Variants in C3orf20 observed in about 807,000 individuals in gnomAD.
C3orf20 encodes the protein family with sequence similarity 149 member C.
C3orf20 carries 76 observed loss-of-function variants against 88.3 expected under a neutral mutation model. The ratio of observed to expected loss-of-function variants is 0.86; its 90% CI spans 0.72 to 1.04. The LOEUF (loss-of-function observed/expected upper bound fraction) is 1.04. C3orf20 is among the 50% of genes least tolerant of loss of function. C3orf20 has a pLI of 0.00. For synonymous variants in C3orf20, 436 were observed against 437.4 expected, an observed-to-expected ratio of 1.00 and a Z score of 0.04; for missense variants, 1,056 against 1,123.3, an observed-to-expected ratio of 0.94 and a Z score of 0.86.
At position 14,714,040 on chromosome 3, in the gene C3orf20, C is replaced by T. The variant is rs186988380; in HGVS notation, c.1194C>T (p.Ile398=). ...CTGGAAACGTCGCTGTATGTCAGATCCCCACATGCTGCAGAGGGAGAACCA... is the reference window on the plus strand; with the variant it reads ...CTGGAAACGTCGCTGTATGTCAGATTCCCACATGCTGCAGAGGGAGAACCA... ...YPSGNVAVCQ[I]PTCCRGRTIT... Residue 398 remains isoleucine (I), a synonymous_variant, in exon 8 of 17, where the codon ATC becomes ATT. Coordinates refer to ENST00000253697, the MANE Select transcript of C3orf20 (RefSeq NM_032137.5). The T allele has an allele frequency of 3.7e-6, 6 of 1,614,132 alleles. No individual in the cohort carries two copies. Among genetic ancestry groups the T allele is most frequent in the Middle Eastern group, 1.7e-4 (1 of 6,042 alleles).
chr3:14,683,126 A>G lies in C3orf20; in HGVS notation c.413A>G (p.Gln138Arg). ...CACCAGGAGACCCTGAACAGGTTTC[A>G]GCAGCAGTCCATCCACCTGCTGACG... is the stretch of plus-strand genomic sequence containing the variant. ...RTHQETLNRF[Q>R]QQSIHLLTEL... The change falls in exon 3 of 17, where the codon CAG becomes CGG. Residue 138 changes from glutamine to arginine, a missense_variant. Coordinates refer to ENST00000253697, the MANE Select transcript of C3orf20 (RefSeq NM_032137.5). 1 of 1,614,148 alleles carries G rather than the reference A, an allele frequency of 6.2e-7. No homozygotes were observed. The highest frequency in any genetic ancestry group is 8.5e-7 in the Non-Finnish European group (1 of 1,180,008).
At chr3:14,756,150 T>C (rs563229025) in intron 12 of C3orf20, among the ~76,000 whole-genome samples, 38 of 150,600 alleles carry the variant, frequency 2.5e-4, no homozygotes, top group African/African-American at 9.2e-4. Flanking sequence ...TGCTGTAAAA[T>C]GCTAAACATG....
intron 5 of C3orf20, among the ~76,000 whole-genome samples, chr3:14,694,954 G>A (rs1171263547): frequency 1.3e-5 from 2 of 151,854 alleles, no homozygotes; most frequent in African/African-American, 4.8e-5. Context: ...CTATGCCTGG[G>A]TAATTTTTGT....
rs763986141 is a variant in C3orf20, at chr3:14,728,705, A to T, written c.1940+17A>T. On this transcript the variant is annotated intron_variant, in intron 12 of 16. Transcript: ENST00000253697. Reference sequence around the variant, plus strand: ...CACATCCAGGTTGGCTTGGTCCTTCACGTCTTCCGCAGCATCGGGTGTTGT... The same window carrying T: ...CACATCCAGGTTGGCTTGGTCCTTCTCGTCTTCCGCAGCATCGGGTGTTGT... 7 of 1,611,048 alleles carry T rather than the reference A, an allele frequency of 4.3e-6. No homozygotes were observed. The East Asian group carries it at 1.6e-4, about 36-fold the overall frequency.
chr3:14,695,228 C>T (rs909022338), intron 5 of C3orf20, among the ~76,000 whole-genome samples: 3 of 152,156 alleles, frequency 2.0e-5, no homozygotes, highest in African/African-American at 7.2e-5. Flanking sequence ...AAATTTCCTT[C>T]TTAATTTCTT....
At chr3:14,685,236 G>C (rs2032333187) in intron 4 of C3orf20, among the ~76,000 whole-genome samples, 1 of 152,080 alleles carries the variant, frequency 6.6e-6, no homozygotes, top group Admixed American at 6.5e-5. Flanking sequence ...AGCTGTGGGA[G>C]GATATTACTT....
At chr3:14,704,714 A>G (rs2124938830) in intron 7 of C3orf20, 96 bp downstream of exon 7, 1 of 1,452,828 alleles carries the variant, frequency 6.9e-7, no homozygotes. Flanking sequence ...TGGGCCTTTT[A>G]GTTATCAGAG....
intron 15 of C3orf20, among the ~76,000 whole-genome samples, chr3:14,764,477 T>C (rs998834880): frequency 4.4e-5 from 6 of 137,858 alleles, no homozygotes; most frequent in Admixed American, 2.9e-4. Flanking sequence ...AACAACACAA[T>C]CGTTTATTAT....
chr3:14,723,681 G>A (rs1418276651), intron 10 of C3orf20, among the ~76,000 whole-genome samples: 5 of 152,220 alleles, frequency 3.3e-5, no homozygotes, highest in Non-Finnish European at 7.3e-5. Context: ...CTACCCGCAA[G>A]AGTTTGAGTC....
chr3:14,679,321 A>G (rs928812307), intron 1 of C3orf20, among the ~76,000 whole-genome samples: 9 of 152,250 alleles, frequency 5.9e-5, no homozygotes, highest in African/African-American at 1.9e-4. Flanking sequence ...CAAAATAGAA[A>G]TTGGATAAAT....
At chr3:14,705,587 G>A (rs2033465894) in intron 7 of C3orf20, among the ~76,000 whole-genome samples, 1 of 152,210 alleles carries the variant, frequency 6.6e-6, no homozygotes, top group Admixed American at 6.5e-5. Context: ...TTTACAGAAT[G>A]TCTGGGTAGG....
Position 14,722,513 on chromosome 3 carries a change from A to G in C3orf20, c.1566+729A>G, listed in dbSNP as rs771830189. ...CAGGAGAAGAAATGATGCTGAGTAG[A>G]AAACTACCAGTGCATGTTGATGACC... On this transcript the variant is annotated intron_variant, in intron 10 of 16. Transcript: ENST00000253697. 7.2e-5 allele frequency: 33 copies of G among 456,620 alleles called. No individual in the cohort carries two copies. In the Middle Eastern group the frequency reaches 9.7e-4, roughly 13 times the overall value. 28.3% of individuals were successfully genotyped at this position (456,620 alleles called of 1,614,324 possible). A position where few individuals can be genotyped will look rare whatever the true frequency, so the allele number is the denominator to read the frequency against.
intron 5 of C3orf20, among the ~76,000 whole-genome samples, chr3:14,699,445 C>G (rs1343769217): frequency 6.6e-6 from 1 of 152,202 alleles, no homozygotes; most frequent in Non-Finnish European, 1.5e-5. Context: ...ATTCAGGGCC[C>G]AAGGACTCTT....
Position 14,704,383 on chromosome 3 carries a change from A to G in C3orf20, c.925A>G (p.Met309Val), listed in dbSNP as rs114234710. The change falls in exon 7 of 17, where the codon ATG becomes GTG. Residue 309 changes from methionine to valine, a missense_variant. Met to Val is a conservative substitution (Grantham distance 21, BLOSUM62 1). Coordinates refer to ENST00000253697, the MANE Select transcript of C3orf20 (RefSeq NM_032137.5). Reference sequence around the variant, plus strand: ...GAAAGGGAGGAATATCTCCTACCCCATGATCTTACGAAACTACAAGGCAAA... The same window carrying G: ...GAAAGGGAGGAATATCTCCTACCCCGTGATCTTACGAAACTACAAGGCAAA... ...TWKGRNISYP[M>V]ILRNYKAKMP... The G allele has an allele frequency of 9.1e-4, 1,463 of 1,614,168 alleles. 1 individual carries two copies. Among genetic ancestry groups the G allele is most frequent in the Non-Finnish European group, 8.6e-4 (1,015 of 1,180,022 alleles).
chr3:14,726,781 G>A, intron 10 of C3orf20, 120 bp from the exon 11 acceptor site: 1 of 1,372,754 alleles, frequency 7.3e-7, no homozygotes, highest in South Asian at 1.3e-5. Flanking sequence ...TTCCAGGTAG[G>A]GGTAGGGGGG....
intron 12 of C3orf20, among the ~76,000 whole-genome samples, chr3:14,737,311 C>T (rs1368286775): frequency 6.6e-6 from 1 of 151,992 alleles, no homozygotes. Flanking sequence ...ATCTGGGACT[C>T]CCAAGTACAC....
At position 14,704,560 on chromosome 3, in the gene C3orf20, G is replaced by T. The variant is rs1445390204; in HGVS notation, c.1102G>T (p.Ala368Ser). 4 of 1,614,070 alleles carry T rather than the reference G, an allele frequency of 2.5e-6. No homozygotes were observed. The South Asian group carries it at 3.3e-5, about 13-fold the overall frequency. ...CAGTCAGCATTGTCAAGAGGGGAAG[G>T]CACCCAAGAAGGCCTTCAAGTTTCA... Reference protein sequence around the residue: ...HFSQHCQEGKAPKKAFKFHYT... With the variant: ...HFSQHCQEGKSPKKAFKFHYT... Residue 368 changes from alanine (A) to serine (S), a missense_variant, in exon 7 of 17, where the codon GCA becomes TCA. Coordinates refer to ENST00000253697, the MANE Select transcript of C3orf20 (RefSeq NM_032137.5).
At chr3:14,760,089 A>T in intron 14 of C3orf20, 91 bp downstream of exon 14, 3 of 971,014 alleles carry the variant, frequency 3.1e-6, no homozygotes. Flanking sequence ...GAGGAGGAGG[A>T]GAGAGGAGAA....
chr3:14,762,730 C>A (rs1023138368), intron 15 of C3orf20, among the ~76,000 whole-genome samples: 1 of 152,186 alleles, frequency 6.6e-6, no homozygotes, highest in Admixed American at 6.5e-5. Flanking sequence ...CTGGGGTATG[C>A]AGCCCTAAGT....
Sources: gnomAD v4.1 joint callset for allele counts (sites outside exome capture counted in the v4.1 genomes callset) on GRCh38, gnomAD v4.1.1 for gene constraint, MANE v1.5 for transcripts, NCBI Gene and HGNC (gene_info 2026-07-23, HGNC 2026-07-21) for gene names.